Variants in PDE3B observed in about 807,000 individuals in gnomAD.
The protein encoded by PDE3B is cGMP-inhibited 3',5'-cyclic phosphodiesterase 3B.
Under a neutral mutation model 116.8 loss-of-function variants are expected in PDE3B, and 66 were observed. The observed-to-expected ratio is 0.56, with a 90% CI of 0.46 to 0.69. The LOEUF is 0.69. Ranked by LOEUF, PDE3B falls within the 30% of genes least tolerant of loss-of-function variation. The pLI, the probability that PDE3B is intolerant of heterozygous loss-of-function variation, is 0.00. For missense variants in PDE3B, 1,384 were observed against 1,368.1 expected (o/e 1.01, Z -0.18); for synonymous variants, 595 against 533.6 (o/e 1.12, Z -1.59).
intron 5 of PDE3B, among the ~76,000 whole-genome samples, chr11:14,809,056 A>G (rs1232971596): frequency 6.6e-6 from 1 of 152,204 alleles, no homozygotes; most frequent in Non-Finnish European, 1.5e-5. Context: ...CAGTTCTTTA[A>G]TAAAAAAGAA....
chr11:14,840,229 T>C (rs1860180827), intron 11 of PDE3B, among the ~76,000 whole-genome samples: 1 of 152,192 alleles, frequency 6.6e-6, no homozygotes, highest in Non-Finnish European at 1.5e-5. Flanking sequence ...ACAGTGTAAA[T>C]ACATGGAGTT....
intron 1 of PDE3B, among the ~76,000 whole-genome samples, chr11:14,769,385 A>G (rs995151243): frequency 2.0e-5 from 3 of 151,400 alleles, no homozygotes; most frequent in Non-Finnish European, 4.4e-5. Context: ...TAAGATTTTT[A>G]GAGACCTTTA....
intron 1 of PDE3B, among the ~76,000 whole-genome samples, chr11:14,755,692 C>T (rs1173654552): frequency 6.6e-6 from 1 of 152,126 alleles, no homozygotes; most frequent in African/African-American, 2.4e-5. Flanking sequence ...GGAAGACCCA[C>T]ATTACAAAAC....
At chr11:14,713,695 TACACAC>T (rs68083046) in intron 1 of PDE3B, among the ~76,000 whole-genome samples, 18,910 of 149,632 alleles carry the variant, frequency 0.13, 1,461 homozygotes, top group African/African-American at 0.22. Flanking sequence ...AAAAAATCTT[TACACAC>T]ACACACACAC....
chr11:14,671,917 A>T (rs868236663), intron 1 of PDE3B, among the ~76,000 whole-genome samples: 1 of 151,420 alleles, frequency 6.6e-6, no homozygotes, highest in African/African-American at 2.4e-5. Context: ...GTTCCTAGCT[A>T]CTTAGGGGGC....
intron 1 of PDE3B, among the ~76,000 whole-genome samples, chr11:14,765,520 A>G (rs1857475383): frequency 6.6e-6 from 1 of 151,968 alleles, no homozygotes; most frequent in Non-Finnish European, 1.5e-5. Flanking sequence ...AGTCTTGGGT[A>G]CACCTAGATC....
chr11:14,778,520 T>G (rs1590136176), intron 2 of PDE3B, among the ~76,000 whole-genome samples: 1 of 152,228 alleles, frequency 6.6e-6, no homozygotes, highest in African/African-American at 2.4e-5. Context: ...TATTTGCAGT[T>G]CTGCAGTCTG....
chr11:14,767,224 C>G (rs1374385647), intron 1 of PDE3B, among the ~76,000 whole-genome samples: 1 of 151,474 alleles, frequency 6.6e-6, no homozygotes, highest in African/African-American at 2.4e-5. Flanking sequence ...TGTTTGAAAA[C>G]TTTCCATAGC....
chr11:14,670,918 A>G (rs1231897472), intron 1 of PDE3B, among the ~76,000 whole-genome samples: 1 of 151,474 alleles, frequency 6.6e-6, no homozygotes, highest in African/African-American at 2.4e-5. Flanking sequence ...CATGTTCCCC[A>G]GACTGGGCGC....
At chr11:14,844,126 C>T (rs1847534238) in intron 12 of PDE3B, 100 bp downstream of exon 12, 1 of 822,784 alleles carries the variant, frequency 1.2e-6, no homozygotes, top group South Asian at 1.5e-5. Context: ...TATGTCCAAT[C>T]CATCTGACTT....
At chr11:14,892,134 C>T in the PDE3B span, 3 of 1,611,514 alleles carry the variant, frequency 1.9e-6, no homozygotes, top group South Asian at 1.1e-5. Flanking sequence ...GGACCCCTAG[C>T]GCGAAGAGCA....
intron 4 of PDE3B, among the ~76,000 whole-genome samples, chr11:14,799,757 C>CTTTTTTTT: frequency 9.3e-6 from 1 of 108,036 alleles, no homozygotes; most frequent in South Asian, 3.2e-4. Flanking sequence ...CAACTCCTGC[C>CTTTTTTTT]TTTTTTTTTT....
intron 4 of PDE3B, among the ~76,000 whole-genome samples, chr11:14,798,565 CT>C (rs1217171719): frequency 4.0e-5 from 6 of 151,798 alleles, no homozygotes; most frequent in African/African-American, 9.7e-5. Context: ...TGGTCCTGGA[CT>C]TTTTTTTGGT....
intron 2 of PDE3B, chr11:14,776,262 A>C (rs369056902): frequency 6.6e-6 from 1 of 152,372 alleles, no homozygotes; most frequent in African/African-American, 2.4e-5. Flanking sequence ...AACCACTGGC[A>C]ATCAGTGACC....
chr11:14,646,185 A>G (rs750084309), intron 1 of PDE3B, among the ~76,000 whole-genome samples: 11 of 152,172 alleles, frequency 7.2e-5, no homozygotes, highest in Non-Finnish European at 1.3e-4. Context: ...CTGGGAGCCA[A>G]TATGTTGGAG....
Position 14,644,086 on chromosome 11 carries a change from A to G in PDE3B, c.11A>G (p.Asp4Gly). ...CCCCCGGCCCCAGCCATGAGGAGGG[A>G]CGAGCGAGACGCCAAAGCCATGCGG... MRR[D>G]ERDAKAMRSL... The change falls in exon 1 of 16, where the codon GAC (aspartate) becomes GGC (glycine). Residue 4 changes from aspartate to glycine, a missense_variant. Transcript: ENST00000282096. 2 of 1,547,446 alleles carry G rather than the reference A, an allele frequency of 1.3e-6. No individual in the cohort carries two copies. The highest frequency in any genetic ancestry group is 1.7e-6 in the Non-Finnish European group (2 of 1,157,274).
intron 1 of PDE3B, among the ~76,000 whole-genome samples, chr11:14,748,890 C>CTTTTTTTTT (rs372787656): frequency 7.3e-6 from 1 of 137,646 alleles, no homozygotes. Context: ...TCTTTTCTTT[C>CTTTTTTTTT]TTTTTTTTTT....
In PDE3B at chr11:14,859,334, T is replaced by G. The variant is rs906136305; in HGVS notation, c.2724+88T>G. ...ATGTTTTTTAATGTTAAGTTAGAAT[T>G]ATTACTACTTAGGAAGTAACAATAA... On this transcript the variant is annotated intron_variant, in intron 13 of 15. Coordinates refer to ENST00000282096, the MANE Select transcript of PDE3B (RefSeq NM_000922.4). The G allele has an allele frequency of 1.6e-5, 13 of 804,958 alleles. No homozygotes were observed. In the African/African-American group the frequency reaches 2.3e-4, roughly 14 times the overall value. The allele number at this position is 804,958 out of a possible 1,614,324, so 49.9% of individuals were successfully genotyped here. A position where few individuals can be genotyped will look rare whatever the true frequency, so the allele number is the denominator to read the frequency against.
intron 1 of PDE3B, chr11:14,674,370 T>C (rs1854467686): frequency 1.4e-6 from 1 of 731,260 alleles, no homozygotes; most frequent in Admixed American, 1.9e-5. Context: ...TGTATTTGAG[T>C]ACTCTGCTCT....
Sources: allele counts gnomAD v4.1 joint callset (sites outside exome capture counted in the v4.1 genomes callset), GRCh38; gene constraint gnomAD v4.1.1; transcripts MANE v1.5; gene names NCBI Gene and HGNC (gene_info 2026-07-23, HGNC 2026-07-21).